The following XRN1 variants were observed in gnomAD, a reference collection of about 807,000 sequenced individuals.
XRN1 encodes the protein 5'-3' exoribonuclease 1.
XRN1 carries 67 observed loss-of-function variants against 222.3 expected under a neutral mutation model. That is an observed-to-expected ratio of 0.30 (90% CI 0.25 to 0.37). The LOEUF is 0.37. Ranked by LOEUF, XRN1 falls within the 10% of genes least tolerant of loss-of-function variation. The probability of loss-of-function intolerance (pLI) is 1.00; values close to 1 mark genes in which losing one functional copy is unlikely to be tolerated. For missense variants in XRN1, 1,707 were observed against 2,000.2 expected (o/e 0.85, Z 2.80); for synonymous variants, 643 against 652.4 (o/e 0.99, Z 0.22).
intron 20 of XRN1, among the ~76,000 whole-genome samples, chr3:142,387,595 G>C (rs1344673983): frequency 1.3e-5 from 2 of 152,140 alleles, no homozygotes; most frequent in Non-Finnish European, 2.9e-5. Context: ...ACATACCAAA[G>C]TTATGTTTAC....
chr3:142,319,468 T>C (rs954125620), intron 37 of XRN1, among the ~76,000 whole-genome samples: 9 of 152,218 alleles, frequency 5.9e-5, no homozygotes, highest in African/African-American at 2.2e-4. Flanking sequence ...ATTATAACTA[T>C]ATTATACTTT....
intron 32 of XRN1, among the ~76,000 whole-genome samples, chr3:142,347,666 C>T (rs1038506937): frequency 5.3e-5 from 8 of 151,766 alleles, no homozygotes; most frequent in Non-Finnish European, 1.2e-4. Context: ...GGCACAATCT[C>T]GGCTCACTGC....
rs549522153 is a variant in XRN1 at position 142,342,318 on chromosome 3, C to T, written c.3877+4916G>A. On this transcript the variant is annotated intron_variant, in intron 33 of 40. Transcript: ENST00000392981. ...GGACACAAAAAAAGAGAAAGATATT[C>T]CAAGGTTCACAGACTGGAAGAATCA... 6.6e-5 allele frequency among the ~76,000 whole-genome samples: 10 copies of T among 152,148 alleles called. 1 individual carries two copies. The South Asian group carries it at 2.1e-3, about 32-fold the overall frequency.
intron 20 of XRN1, among the ~76,000 whole-genome samples, chr3:142,392,341 ATTATACT>A (rs2067759721): frequency 9.9e-6 from 1 of 100,646 alleles, no homozygotes; most frequent in Non-Finnish European, 2.1e-5. Flanking sequence ...TTTTTTTTTT[ATTATACT>A]TTAAGTTTTA....
At position 142,422,819 on chromosome 3, in the gene XRN1, CT is replaced by C; in HGVS notation, c.798+15del. ...TGCAATGGAAATCCTTGGTCCATGG[CT>C]TTATTAATACTTACTTTTAATACTG... On this transcript the variant is annotated intron_variant, in intron 7 of 40. Coordinates refer to ENST00000392981, the MANE Select transcript of XRN1 (RefSeq NM_001282857.2). 2 of 1,605,068 alleles carry C rather than the reference CT, an allele frequency of 1.2e-6. No homozygotes were observed. The highest frequency in any genetic ancestry group is 1.7e-6 in the Non-Finnish European group (2 of 1,174,290).
chr3:142,352,407 T>C (rs969426798), intron 32 of XRN1, among the ~76,000 whole-genome samples: 8 of 152,248 alleles, frequency 5.3e-5, no homozygotes, highest in Admixed American at 4.6e-4. Context: ...TAATAGCATA[T>C]TGGCTGAGGA....
chr3:142,365,694 T>C (rs986576043), intron 27 of XRN1, among the ~76,000 whole-genome samples: 6 of 152,144 alleles, frequency 3.9e-5, no homozygotes, highest in African/African-American at 1.2e-4. Context: ...AGAAACAACA[T>C]TGCTAAGCAC....
chr3:142,435,488 C>T lies in XRN1; in HGVS notation c.76-2595G>A, dbSNP rs979004723. 13 of 151,980 alleles carry T rather than the reference C, an allele frequency of 8.6e-5. No homozygotes were observed. The East Asian group carries it at 9.6e-4, about 11-fold the overall frequency. The allele number at this position is 151,980 out of a possible 1,614,324, so 9.4% of individuals were successfully genotyped here. A position where few individuals can be genotyped will look rare whatever the true frequency, so the allele number is the denominator to read the frequency against. On this transcript the variant is annotated intron_variant, in intron 1 of 40. Coordinates refer to ENST00000392981, the MANE Select transcript of XRN1 (RefSeq NM_001282857.2). ...AAAAGAGCAAATTTTTGACTGGGCA[C>T]GGTGGCTCACACCTGTAATCCCAGC...
At chr3:142,350,580 T>C (rs1270193537) in intron 32 of XRN1, among the ~76,000 whole-genome samples, 1 of 152,168 alleles carries the variant, frequency 6.6e-6, no homozygotes, top group African/African-American at 2.4e-5. Flanking sequence ...GCCTGCTGTC[T>C]TGAGAATAGA....
intron 19 of XRN1, 92 bp downstream of exon 19, chr3:142,400,352 A>T: frequency 9.6e-7 from 1 of 1,041,272 alleles, no homozygotes; most frequent in Middle Eastern, 2.1e-4. Flanking sequence ...TTCTTAATAT[A>T]ATTTTGTCAG....
chr3:142,405,162 C>A, intron 15 of XRN1, 86 bp from the exon 16 acceptor site: 1 of 1,325,526 alleles, frequency 7.5e-7, no homozygotes, highest in Non-Finnish European at 1.0e-6. Context: ...CCTCCATATA[C>A]AGAATAACCA....
chr3:142,414,371 T>C (rs1403014685), intron 13 of XRN1, 80 bp from the exon 14 acceptor site: 14 of 1,072,694 alleles, frequency 1.3e-5, no homozygotes, highest in Non-Finnish European at 1.7e-5. Context: ...TTCCCCATAT[T>C]TTAACAACAT....
In XRN1 at chr3:142,378,084, A is replaced by C. The variant is rs910022391; in HGVS notation, c.2716-1490T>G. ...TACTATTAGTGGAAAAAAAAAGGCT[A>C]AGTAGCAATAGCTGGTTGATTGTGA... On this transcript the variant is annotated intron_variant, in intron 23 of 40. Transcript: ENST00000392981. Among the ~76,000 whole-genome samples, 47 of 152,360 alleles carry C rather than the reference A, an allele frequency of 3.1e-4. 1 individual carries two copies. The highest frequency in any genetic ancestry group is 3.4e-3 in the Middle Eastern group (1 of 294).
intron 20 of XRN1, among the ~76,000 whole-genome samples, chr3:142,389,816 G>A (rs187717627): frequency 7.0e-4 from 106 of 152,268 alleles, no homozygotes; most frequent in East Asian, 3.3e-3. Context: ...CACTGTGCCC[G>A]GCCAAAAATG....
Position 142,309,544 on chromosome 3 carries a change from C to G in XRN1, c.*1967G>C, listed in dbSNP as rs2065036584. ...AAAATAAAACTCTTTCACTGCCTAT[C>G]TGTATAGAACTGTCAGCTTGCTGTG... is the stretch of plus-strand genomic sequence containing the variant. On this transcript the variant is annotated 3_prime_UTR_variant, in exon 41 of 41. Transcript: ENST00000392981. The G allele has an allele frequency of 1.3e-5, 2 of 152,230 alleles. No individual in the cohort carries two copies. Among genetic ancestry groups the G allele is most frequent in the Admixed American group, 1.3e-4 (2 of 15,280 alleles). The allele number at this position is 152,230 out of a possible 1,614,324, so 9.4% of individuals were successfully genotyped here.
At chr3:142,392,525 C>A (rs2067767311) in intron 20 of XRN1, among the ~76,000 whole-genome samples, 1 of 152,078 alleles carries the variant, frequency 6.6e-6, no homozygotes, top group Non-Finnish European at 1.5e-5. Flanking sequence ...CTTCCTGTGT[C>A]CATGTGATCT....
chr3:142,442,496 A>G (rs1194120701), intron 1 of XRN1, among the ~76,000 whole-genome samples: 1 of 152,140 alleles, frequency 6.6e-6, no homozygotes, highest in East Asian at 1.9e-4. Flanking sequence ...TCCTCCCCTC[A>G]GGATGGCTAG....
intron 20 of XRN1, among the ~76,000 whole-genome samples, chr3:142,387,262 T>A (rs1226104353): frequency 6.6e-6 from 1 of 152,128 alleles, no homozygotes; most frequent in African/African-American, 2.4e-5. Flanking sequence ...AGTTCAAAAA[T>A]AGAAAACACA....
chr3:142,318,007 C>T (rs2065253504), intron 39 of XRN1, among the ~76,000 whole-genome samples: 1 of 152,128 alleles, frequency 6.6e-6, no homozygotes, highest in Non-Finnish European at 1.5e-5. Context: ...AACTGCATGT[C>T]ATAAATTTAA....
Sources: allele counts gnomAD v4.1 joint callset (sites outside exome capture counted in the v4.1 genomes callset), GRCh38; gene constraint gnomAD v4.1.1; transcripts MANE v1.5; gene names NCBI Gene and HGNC (gene_info 2026-07-23, HGNC 2026-07-21).